The following SNX1 variants were observed in gnomAD, a reference collection of about 807,000 sequenced individuals.
SNX1 encodes the protein sorting nexin 1.
SNX1 carries 36 observed loss-of-function variants against 71.8 expected under a neutral mutation model. That is an observed-to-expected ratio of 0.50 (90% CI 0.38 to 0.66). The LOEUF is 0.66. Ranked by LOEUF, SNX1 falls within the 30% of genes least tolerant of loss-of-function variation. The probability of loss-of-function intolerance (pLI) is 0.00; values close to 1 mark genes in which losing one functional copy is unlikely to be tolerated. For missense variants in SNX1, 612 were observed against 646.7 expected, an observed-to-expected ratio of 0.95 and a Z score of 0.58; for synonymous variants, 254 against 240.7, an observed-to-expected ratio of 1.06 and a Z score of -0.51.
chr15:64,135,401 A>C (rs2081348910), intron 12 of SNX1, among the ~76,000 whole-genome samples: 2 of 145,406 alleles, frequency 1.4e-5, no homozygotes, highest in Non-Finnish European at 3.0e-5. Flanking sequence ...CGCCCGGCCG[A>C]GGTCAGGAGT....
chr15:64,134,489 A>AC lies in SNX1; in HGVS notation c.1222-172dup. On this transcript the variant is annotated intron_variant, in intron 11 of 14. Transcript: ENST00000559844. This position sits in a 1 kb window ranked among gnomAD's most constrained non-coding sequence, Gnocchi z 4.1. ...TTCTGGAAGCTTGGAGAGGAGTCTT[A>AC]CCCAAGCTTTGCTCCTAGACATTAA... is the stretch of plus-strand genomic sequence containing the variant. The AC allele has an allele frequency of 3.0e-6, 2 of 670,066 alleles. No individual in the cohort carries two copies. The highest frequency in any genetic ancestry group is 4.0e-5 in the South Asian group (2 of 49,688). The allele number at this position is 670,066 out of a possible 1,614,324, so 41.5% of individuals were successfully genotyped here.
In SNX1 at chr15:64,131,880, G is replaced by A. The variant is rs201472162; in HGVS notation, c.1209G>A (p.Leu403=). 6.2e-7 allele frequency: 1 copy of A among 1,614,090 alleles called. No individual in the cohort carries two copies. The highest frequency in any genetic ancestry group is 2.2e-5 in the East Asian group (1 of 44,876). The stretch of plus-strand genomic sequence containing the variant: ...TCCTGAGTGACTACATTCGCCTCCT[G>A]GCCATAGTCCGCGTAAGCTTCTGTT... ...AELLSDYIRL[L]AIVRAAFDQR... The change falls in exon 11 of 15, where the codon CTG becomes CTA. Residue 403 remains leucine (L), a synonymous_variant. Coordinates refer to ENST00000559844, the MANE Select transcript of SNX1 (RefSeq NM_003099.5).
At position 64,129,198 on chromosome 15, in the gene SNX1, G is replaced by A. The variant is rs942788711; in HGVS notation, c.808-718G>A. ...GGAGGCAGAGGTTGCCGTGAGCTGA[G>A]ATCGTGCCACTGCACTCCAGCCTGG... On this transcript the variant is annotated intron_variant, in intron 8 of 14. Coordinates refer to ENST00000559844, the MANE Select transcript of SNX1 (RefSeq NM_003099.5). This position sits in a 1 kb window ranked among gnomAD's most constrained non-coding sequence, Gnocchi z 4.4. 6.6e-6 allele frequency among the ~76,000 whole-genome samples: 1 copy of A among 151,212 alleles called. No homozygotes were observed. The highest frequency in any genetic ancestry group is 1.5e-5 in the Non-Finnish European group (1 of 67,934).
chr15:64,125,878 A>G (rs568642129), intron 5 of SNX1, among the ~76,000 whole-genome samples: 1 of 152,198 alleles, frequency 6.6e-6, no homozygotes, highest in African/African-American at 2.4e-5. Context: ...TTCTGAGAAG[A>G]GCTCCTTAGG....
In SNX1 at chr15:64,096,165, C is replaced by G. The variant is rs1165698776; in HGVS notation, c.152C>G (p.Ala51Gly). 2 of 1,550,746 alleles carry G rather than the reference C, an allele frequency of 1.3e-6. No individual in the cohort carries two copies. Among genetic ancestry groups the G allele is most frequent in the South Asian group, 2.4e-5 (2 of 84,124 alleles). ...TEGEDIFTGA[A>G]VVSKHQSPKI... ...GGGGAGGACATTTTCACCGGCGCCG[C>G]GGTGGTCGTGAGTTTGCACCCCTCG... The change falls in exon 1 of 15, where the codon GCG (alanine) becomes GGG (glycine). Residue 51 changes from alanine (A) to glycine (G), a missense_variant. Coordinates refer to ENST00000559844, the MANE Select transcript of SNX1 (RefSeq NM_003099.5).
chr15:64,127,132 A>T, intron 6 of SNX1, 42 bp from the exon 7 acceptor site: 1 of 1,458,256 alleles, frequency 6.9e-7, no homozygotes, highest in South Asian at 1.2e-5. Flanking sequence ...TATCCTCTTC[A>T]TGATGATTTA....
intron 12 of SNX1, among the ~76,000 whole-genome samples, chr15:64,135,556 G>A (rs1338794745): frequency 6.6e-6 from 1 of 151,178 alleles, no homozygotes; most frequent in Non-Finnish European, 1.5e-5. Flanking sequence ...AAGAGATTGA[G>A]ACCATCTTGG....
chr15:64,120,411 T>G (rs773182788), intron 4 of SNX1, among the ~76,000 whole-genome samples: 3 of 151,792 alleles, frequency 2.0e-5, no homozygotes, highest in Non-Finnish European at 4.4e-5. Flanking sequence ...TAGCTGGGAC[T>G]ACAGATGTGC....
chr15:64,104,956 C>T (rs140673486), intron 1 of SNX1, among the ~76,000 whole-genome samples: 1,852 of 150,636 alleles, frequency 0.012, 36 homozygotes, highest in African/African-American at 0.043. Flanking sequence ...GGTTTGGGGC[C>T]GGGCACGGTG....
chr15:64,111,097 A>G (rs943331316), intron 1 of SNX1, among the ~76,000 whole-genome samples: 3 of 152,224 alleles, frequency 2.0e-5, no homozygotes, highest in Admixed American at 6.5e-5. Flanking sequence ...TAGGAAGTGA[A>G]TGAAATCAGG....
intron 4 of SNX1, among the ~76,000 whole-genome samples, chr15:64,122,249 A>G (rs1431803431): frequency 6.6e-6 from 1 of 151,674 alleles, no homozygotes; most frequent in African/African-American, 2.4e-5. Flanking sequence ...TATTACTTCT[A>G]TAAAATAAAC....
chr15:64,104,753 C>T (rs531783000), intron 1 of SNX1, among the ~76,000 whole-genome samples: 12 of 151,564 alleles, frequency 7.9e-5, no homozygotes, highest in Middle Eastern at 3.5e-3. Flanking sequence ...GGTGTGACAA[C>T]GCATGTCTGT....
At chr15:64,109,742 A>G (rs1247592097) in intron 1 of SNX1, among the ~76,000 whole-genome samples, 3 of 152,116 alleles carry the variant, frequency 2.0e-5, no homozygotes, top group Non-Finnish European at 4.4e-5. Flanking sequence ...TCCTGACCTC[A>G]GGTTATGTAG....
intron 12 of SNX1, chr15:64,135,076 G>A (rs1007510796): frequency 1.9e-5 from 8 of 417,732 alleles, no homozygotes; most frequent in African/African-American, 1.4e-4. Context: ...CACTTTGGGA[G>A]GCCAAGGTGG....
At chr15:64,106,174 G>A (rs2081019826) in intron 1 of SNX1, among the ~76,000 whole-genome samples, 1 of 152,006 alleles carries the variant, frequency 6.6e-6, no homozygotes, top group South Asian at 2.1e-4. Context: ...ATGGTTTGTT[G>A]CTTATCTTTA....
chr15:64,112,320 C>G (rs1210765133), intron 1 of SNX1, among the ~76,000 whole-genome samples: 13 of 152,158 alleles, frequency 8.5e-5, no homozygotes, highest in Admixed American at 8.5e-4. Flanking sequence ...TGTACACATA[C>G]CCATGTTGGT....
chr15:64,137,883 GATATAA>G lies in SNX1; in HGVS notation c.*271_*276del. 1.4e-6 allele frequency: 2 copies of G among 1,404,800 alleles called. No homozygotes were observed. The highest frequency in any genetic ancestry group is 3.4e-5 in the South Asian group (2 of 58,512). 87.0% of individuals were successfully genotyped at this position (1,404,800 alleles called of 1,614,324 possible). On this transcript the variant is annotated 3_prime_UTR_variant, in exon 15 of 15. Coordinates refer to ENST00000559844, the MANE Select transcript of SNX1 (RefSeq NM_003099.5). ...GAATTATGGGATGGGGTGGAGTATT[GATATAA>G]ATATATAAATACAAATGTATATTTT...
chr15:64,104,431 C>T (rs536628245), intron 1 of SNX1, among the ~76,000 whole-genome samples: 1 of 152,074 alleles, frequency 6.6e-6, no homozygotes, highest in Non-Finnish European at 1.5e-5. Context: ...CGCCACCACG[C>T]CCGGCTAATT....
Position 64,138,315 on chromosome 15 carries a change from TTCTCTC to T in SNX1, c.*703_*708del. ...TTCTCCTGCAAAGGAGGCAGAGACTTTCTCTCTCTCTTTTTTTTTTTTTTTTGGTGT... is the reference window on the plus strand; with the variant it reads ...TTCTCCTGCAAAGGAGGCAGAGACTTTCTCTTTTTTTTTTTTTTTTGGTGT... On this transcript the variant is annotated 3_prime_UTR_variant, in exon 15 of 15. Coordinates refer to ENST00000559844, the MANE Select transcript of SNX1 (RefSeq NM_003099.5). 1 of 930,684 alleles carries T rather than the reference TTCTCTC, an allele frequency of 1.1e-6. No individual in the cohort carries two copies. The allele number at this position is 930,684 out of a possible 1,614,324, so 57.7% of individuals were successfully genotyped here.
Sources: gnomAD v4.1 joint callset for allele counts (sites outside exome capture counted in the v4.1 genomes callset) on GRCh38, gnomAD v4.1.1 for gene constraint, Gnocchi (gnomAD v3.1) non-coding constraint, MANE v1.5 for transcripts, NCBI Gene and HGNC (gene_info 2026-07-23, HGNC 2026-07-21) for gene names.